Variants in FAM193A observed in about 807,000 individuals in gnomAD.
FAM193A encodes protein FAM193A.
A neutral mutation model predicts 126.5 loss-of-function variants in FAM193A; 22 were observed. That is an observed-to-expected ratio of 0.17 (90% CI 0.12 to 0.25). The LOEUF (loss-of-function observed/expected upper bound fraction) is 0.25, where lower values mean the gene tolerates loss of function less well. Ranked by LOEUF, FAM193A falls within the 10% of genes least tolerant of loss-of-function variation. FAM193A has a pLI of 1.00. For missense variants in FAM193A, 1,675 were observed against 1,672.8 expected, an observed-to-expected ratio of 1.00 and a Z score of -0.02; for synonymous variants, 761 against 646.8, an observed-to-expected ratio of 1.18 and a Z score of -2.68.
intron 7 of FAM193A, among the ~76,000 whole-genome samples, chr4:2,652,626 G>T (rs1230517791): frequency 6.6e-6 from 1 of 152,086 alleles, no homozygotes; most frequent in Non-Finnish European, 1.5e-5. Flanking sequence ...TCGCTATCAC[G>T]AGAACAGCAC....
At position 2,672,300 on chromosome 4, in the gene FAM193A, C is replaced by T; in HGVS notation, c.2259C>T (p.His753=). The change falls in exon 13 of 21, where the codon CAC becomes CAT. Residue 753 remains histidine (H), a synonymous_variant. Transcript: ENST00000637812. ...YPHIHGHVPL[H]TVPHLPRPLI... ...ACATCCATGGACATGTGCCTTTGCA[C>T]ACTGTTCCACACCTGCCACGCCCTC... 6.2e-7 allele frequency: 1 copy of T among 1,614,216 alleles called. No homozygotes were observed. The highest frequency in any genetic ancestry group is 8.5e-7 in the Non-Finnish European group (1 of 1,180,028).
chr4:2,584,942 A>C (rs956414591), intron 1 of FAM193A, among the ~76,000 whole-genome samples: 7 of 151,942 alleles, frequency 4.6e-5, no homozygotes, highest in African/African-American at 1.2e-4. Flanking sequence ...GAAAAAAAAA[A>C]CAAACCAAAA....
chr4:2,637,519 T>C (rs73080303), intron 5 of FAM193A, among the ~76,000 whole-genome samples: 2 of 152,186 alleles, frequency 1.3e-5, no homozygotes, highest in African/African-American at 4.8e-5. Context: ...TTGTAGGAAC[T>C]ACATTCTAAA....
chr4:2,684,425 G>GT (rs112777362), intron 13 of FAM193A, among the ~76,000 whole-genome samples: 5,586 of 146,244 alleles, frequency 0.038, 343 homozygotes, highest in African/African-American at 0.13. Context: ...CTTGTTCCTT[G>GT]TTTTTTTTTT....
intron 1 of FAM193A, among the ~76,000 whole-genome samples, chr4:2,592,844 C>T (rs1344161312): frequency 6.6e-6 from 1 of 152,216 alleles, no homozygotes; most frequent in Non-Finnish European, 1.5e-5. Context: ...CTCTCTGCGC[C>T]TGGGCTAGCA....
intron 20 of FAM193A, among the ~76,000 whole-genome samples, chr4:2,718,780 T>G (rs1719810058): frequency 6.6e-6 from 1 of 151,974 alleles, no homozygotes; most frequent in Non-Finnish European, 1.5e-5. Flanking sequence ...AGGAAATAAC[T>G]ACAGATACTG....
chr4:2,679,375 CTTTT>C (rs796366785), intron 13 of FAM193A, among the ~76,000 whole-genome samples: 1 of 87,848 alleles, frequency 1.1e-5, no homozygotes, highest in Non-Finnish European at 2.3e-5. Context: ...AGTTTTCTTT[CTTTT>C]TTTTTTTTTT....
At chr4:2,641,348 G>C (rs1744602349) in intron 6 of FAM193A, among the ~76,000 whole-genome samples, 1 of 151,884 alleles carries the variant, frequency 6.6e-6, no homozygotes, top group Admixed American at 6.6e-5. Flanking sequence ...TGCCCAATCT[G>C]CTTTTTTTCT....
At chr4:2,701,730 A>G (rs1717753375) in intron 19 of FAM193A, among the ~76,000 whole-genome samples, 1 of 151,658 alleles carries the variant, frequency 6.6e-6, no homozygotes, top group Non-Finnish European at 1.5e-5. Context: ...TGTAGCATCC[A>G]TTAATGATTC....
chr4:2,625,797 G>A (rs956036921), intron 3 of FAM193A, among the ~76,000 whole-genome samples: 3 of 141,616 alleles, frequency 2.1e-5, no homozygotes, highest in Admixed American at 7.8e-5. Context: ...CGTGATCTCC[G>A]CTCACCACAA....
chr4:2,692,132 A>G (rs1716458451), intron 15 of FAM193A, among the ~76,000 whole-genome samples: 1 of 152,248 alleles, frequency 6.6e-6, no homozygotes, highest in South Asian at 2.1e-4. Context: ...GAAATACCCA[A>G]GACTGGATGA....
chr4:2,718,154 C>G (rs1472109424), intron 20 of FAM193A, among the ~76,000 whole-genome samples: 1 of 151,032 alleles, frequency 6.6e-6, no homozygotes, highest in Non-Finnish European at 1.5e-5. Context: ...TAGAATAAAC[C>G]AAAGAATATA....
chr4:2,673,559 T>C (rs561961089), intron 13 of FAM193A, among the ~76,000 whole-genome samples: 5 of 152,356 alleles, frequency 3.3e-5, no homozygotes, highest in African/African-American at 9.6e-5. Context: ...TTTGAACTTT[T>C]AATGATGTCT....
chr4:2,634,944 T>C (rs568071260), intron 5 of FAM193A, among the ~76,000 whole-genome samples: 2 of 152,328 alleles, frequency 1.3e-5, no homozygotes, highest in African/African-American at 4.8e-5. Flanking sequence ...CCACTCTGAC[T>C]TCATTATGCC....
At chr4:2,714,362 C>G (rs1466427825) in intron 19 of FAM193A, among the ~76,000 whole-genome samples, 1 of 152,136 alleles carries the variant, frequency 6.6e-6, no homozygotes, top group Non-Finnish European at 1.5e-5. Context: ...CCTCACTCTC[C>G]AGTCACATCC....
intron 1 of FAM193A, among the ~76,000 whole-genome samples, chr4:2,590,472 A>AC (rs1178436453): frequency 0.022 from 1,890 of 85,504 alleles, 362 homozygotes; most frequent in African/African-American, 0.13. Context: ...TCAAAAAAAA[A>AC]AAACAAAAAA....
chr4:2,718,018 G>A (rs996405317), intron 20 of FAM193A, among the ~76,000 whole-genome samples: 4 of 152,180 alleles, frequency 2.6e-5, no homozygotes, highest in Admixed American at 6.6e-5. Context: ...GAAAACCTGC[G>A]GGATATCGAA....
intron 1 of FAM193A, among the ~76,000 whole-genome samples, chr4:2,549,187 C>T: frequency 6.6e-6 from 1 of 151,746 alleles, no homozygotes; most frequent in Non-Finnish European, 1.5e-5. Context: ...GATGGGCCCA[C>T]CTCAGCCTCC....
At chr4:2,645,273 T>C (rs942111087) in intron 6 of FAM193A, among the ~76,000 whole-genome samples, 8 of 152,326 alleles carry the variant, frequency 5.3e-5, no homozygotes, top group African/African-American at 1.9e-4. Flanking sequence ...TTTATTCCAC[T>C]TATTTTGGCT....
Sources: gnomAD v4.1 joint callset for allele counts (sites outside exome capture counted in the v4.1 genomes callset) on GRCh38, gnomAD v4.1.1 for gene constraint, MANE v1.5 for transcripts, NCBI Gene and HGNC (gene_info 2026-07-23, HGNC 2026-07-21) for gene names.